Variants in CAST observed in about 807,000 individuals in gnomAD.
CAST encodes the protein MIR583 host.
CAST carries 76 observed loss-of-function variants against 119.6 expected under a neutral mutation model. The observed-to-expected ratio is 0.64, with a 90% CI of 0.53 to 0.77. The LOEUF is 0.77. CAST is among the 30% of genes least tolerant of loss of function. The pLI is 0.00. For synonymous variants in CAST, 319 were observed against 331.6 expected (o/e 0.96, Z 0.41); for missense variants, 953 against 946.5 (o/e 1.01, Z -0.09).
chr5:96,617,762 A>C (rs1040622686), intron 1 of CAST, among the ~76,000 whole-genome samples: 21 of 126,152 alleles, frequency 1.7e-4, no homozygotes, highest in Admixed American at 7.8e-4. Flanking sequence ...ACTGCACTCC[A>C]GCCTGGGCAA....
chr5:96,512,472 T>C, the CAST span, among the ~76,000 whole-genome samples: 1 of 152,238 alleles, frequency 6.6e-6, no homozygotes, highest in East Asian at 1.9e-4. Context: ...TGGCACATAG[T>C]ATAACCTCAT....
intron 1 of CAST, among the ~76,000 whole-genome samples, chr5:96,556,976 A>G (rs1746254465): frequency 1.3e-5 from 2 of 152,168 alleles, no homozygotes; most frequent in African/African-American, 4.8e-5. Context: ...CGGGTTACCC[A>G]CAAAGGGAAG....
the CAST span, chr5:95,961,803 C>A: frequency 1.4e-6 from 2 of 1,467,530 alleles, no homozygotes; most frequent in Admixed American, 2.5e-5. Context: ...GCTTCTGCAG[C>A]CGCCGCCACT....
intron 1 of CAST, among the ~76,000 whole-genome samples, chr5:96,543,608 C>T (rs1745955802): frequency 6.6e-6 from 1 of 152,090 alleles, no homozygotes; most frequent in South Asian, 2.1e-4. Flanking sequence ...ATAAGTCCAA[C>T]TAATCGATGG....
intron 25 of CAST, among the ~76,000 whole-genome samples, chr5:96,763,690 TAAAC>T (rs1200228866): frequency 6.6e-6 from 1 of 152,202 alleles, no homozygotes; most frequent in Non-Finnish European, 1.5e-5. Flanking sequence ...AAGAGTCAAA[TAAAC>T]CATGATAATT....
chr5:96,197,252 T>C, the CAST span, among the ~76,000 whole-genome samples: 2 of 152,110 alleles, frequency 1.3e-5, no homozygotes, highest in African/African-American at 4.8e-5. Context: ...CCCTTATTTT[T>C]TCCCACAGCC....
the CAST span, among the ~76,000 whole-genome samples, chr5:96,112,200 A>G: frequency 1.1e-3 from 164 of 152,136 alleles, 1 homozygote; most frequent in East Asian, 0.031. Context: ...TCAATTATTA[A>G]TATTCTGAGA....
intron 1 of CAST, chr5:96,663,135 C>T (rs1040830279): frequency 1.4e-6 from 1 of 702,606 alleles, no homozygotes; most frequent in Non-Finnish European, 2.6e-6. Flanking sequence ...CCGGTTGTTG[C>T]CATGGCATTC....
At chr5:96,446,444 AC>A in the CAST span, among the ~76,000 whole-genome samples, 1 of 152,090 alleles carries the variant, frequency 6.6e-6, no homozygotes, top group African/African-American at 2.4e-5. Context: ...CAGCCCCATC[AC>A]TCATATGTTT....
intron 25 of CAST, among the ~76,000 whole-genome samples, chr5:96,763,938 C>G (rs1768884516): frequency 6.7e-6 from 1 of 148,712 alleles, no homozygotes; most frequent in Non-Finnish European, 1.5e-5. Flanking sequence ...AAGCAACTGA[C>G]TTAGCTTCCC....
At chr5:96,579,587 C>T (rs939579407) in intron 1 of CAST, among the ~76,000 whole-genome samples, 2 of 152,112 alleles carry the variant, frequency 1.3e-5, no homozygotes, top group Admixed American at 1.3e-4. Flanking sequence ...TCTAGGTTGC[C>T]TTCTTGTGGC....
chr5:96,126,058 C>G, the CAST span, among the ~76,000 whole-genome samples: 3 of 152,100 alleles, frequency 2.0e-5, no homozygotes, highest in African/African-American at 7.2e-5. Flanking sequence ...CCTGCTTTCT[C>G]CTTTCTCCAT....
the CAST span, among the ~76,000 whole-genome samples, chr5:96,218,260 C>T: frequency 5.9e-5 from 9 of 152,064 alleles, no homozygotes; most frequent in Non-Finnish European, 1.3e-4. Context: ...GGGTTTCTGA[C>T]CTTCAATGCA....
At chr5:95,962,028 G>T in the CAST span, 2 of 407,782 alleles carry the variant, frequency 4.9e-6, no homozygotes, top group South Asian at 9.3e-5. Context: ...GGGACGGGAC[G>T]TCCGAGAGGT....
the CAST span, among the ~76,000 whole-genome samples, chr5:96,000,885 G>A: frequency 2.0e-5 from 3 of 152,316 alleles, no homozygotes; most frequent in African/African-American, 4.8e-5. Context: ...TATTCTTAGA[G>A]TGGGGACTGT....
At chr5:96,607,064 G>A (rs896116059) in intron 1 of CAST, among the ~76,000 whole-genome samples, 16 of 152,116 alleles carry the variant, frequency 1.1e-4, no homozygotes, top group Admixed American at 5.2e-4. Flanking sequence ...CGAGGCGGGC[G>A]GATCACGAGG....
the CAST span, among the ~76,000 whole-genome samples, chr5:96,490,764 A>G: frequency 6.6e-6 from 1 of 152,172 alleles, no homozygotes; most frequent in African/African-American, 2.4e-5. Context: ...TAAATTGTAG[A>G]TCTAAATATG....
the CAST span, among the ~76,000 whole-genome samples, chr5:96,263,968 T>G: frequency 2.4e-4 from 37 of 152,180 alleles, no homozygotes; most frequent in African/African-American, 8.7e-4. Flanking sequence ...ATCCAATCAC[T>G]TCCCATGAGG....
chr5:96,410,098 T>A, the CAST span, among the ~76,000 whole-genome samples: 18 of 152,036 alleles, frequency 1.2e-4, no homozygotes, highest in African/African-American at 4.3e-4. Flanking sequence ...ATTAAAGGTG[T>A]CTCCCTTTGT....
Sources: allele counts gnomAD v4.1 joint callset (sites outside exome capture counted in the v4.1 genomes callset), GRCh38; gene constraint gnomAD v4.1.1; transcripts MANE v1.5; gene names NCBI Gene and HGNC (gene_info 2026-07-23, HGNC 2026-07-21).